The following PTPRD variants were observed in gnomAD, a reference collection of about 807,000 sequenced individuals.
PTPRD encodes protein tyrosine phosphatase receptor type D, also known as receptor-type tyrosine-protein phosphatase delta.
A neutral mutation model predicts 214.5 loss-of-function variants in PTPRD; 34 were observed. That is an observed-to-expected ratio of 0.16 (90% CI 0.12 to 0.21). PTPRD has a LOEUF of 0.21. Among genes scored for constraint, PTPRD ranks in the 10% least tolerant of loss-of-function variants. PTPRD has a pLI of 1.00. For missense variants in PTPRD, 2,545 were observed against 2,398.7 expected, an observed-to-expected ratio of 1.06 and a Z score of -1.27; for synonymous variants, 1,128 against 845.7, an observed-to-expected ratio of 1.33 and a Z score of -5.79.
intron 11 of PTPRD, among the ~76,000 whole-genome samples, chr9:8,931,998 C>T (rs1011795276): frequency 6.6e-6 from 1 of 152,160 alleles, no homozygotes; most frequent in Non-Finnish European, 1.5e-5. Flanking sequence ...TCTTTGGGAT[C>T]AGTGGTGATA....
intron 2 of PTPRD, among the ~76,000 whole-genome samples, chr9:10,540,129 A>C (rs1263625269): frequency 2.0e-5 from 3 of 152,072 alleles, no homozygotes; most frequent in African/African-American, 7.2e-5. Context: ...TCCCAGGTTC[A>C]ACCAATTCTC....
At chr9:10,279,050 A>G (rs2094928475) in intron 3 of PTPRD, among the ~76,000 whole-genome samples, 1 of 152,170 alleles carries the variant, frequency 6.6e-6, no homozygotes, top group African/African-American at 2.4e-5. Context: ...CTGGGCTCAC[A>G]GGCCTGAGCC....
chr9:8,782,894 C>T (rs543789701), intron 11 of PTPRD, among the ~76,000 whole-genome samples: 7 of 152,198 alleles, frequency 4.6e-5, no homozygotes, highest in Non-Finnish European at 7.4e-5. Flanking sequence ...CCACGCCTGG[C>T]CTACACTTCT....
intron 10 of PTPRD, among the ~76,000 whole-genome samples, chr9:9,063,602 C>G (rs2099712738): frequency 6.6e-6 from 1 of 152,154 alleles, no homozygotes; most frequent in Non-Finnish European, 1.5e-5. Flanking sequence ...CTGCTGAATT[C>G]TTAGCATCCA....
At chr9:9,717,068 T>C (rs2097848284) in intron 7 of PTPRD, among the ~76,000 whole-genome samples, 1 of 152,272 alleles carries the variant, frequency 6.6e-6, no homozygotes, top group Admixed American at 6.5e-5. Context: ...TTTCTCCATA[T>C]GGCTAGCCAG....
chr9:9,003,981 G>C (rs1343330248), intron 11 of PTPRD, among the ~76,000 whole-genome samples: 1 of 152,006 alleles, frequency 6.6e-6, no homozygotes, highest in Non-Finnish European at 1.5e-5. Flanking sequence ...CTCTGGACTA[G>C]GTCTCATCTC....
At chr9:9,201,561 A>C (rs1454126721) in intron 9 of PTPRD, among the ~76,000 whole-genome samples, 1 of 151,652 alleles carries the variant, frequency 6.6e-6, no homozygotes, top group Non-Finnish European at 1.5e-5. Context: ...TTGGTGATTA[A>C]AAAAAAACAT....
intron 5 of PTPRD, among the ~76,000 whole-genome samples, chr9:9,838,298 T>C (rs1424471863): frequency 6.6e-6 from 1 of 152,118 alleles, no homozygotes; most frequent in African/African-American, 2.4e-5. Context: ...ATGGGATGGC[T>C]GGGTCAAATG....
At chr9:9,944,633 C>T (rs2092273285) in intron 4 of PTPRD, among the ~76,000 whole-genome samples, 1 of 151,574 alleles carries the variant, frequency 6.6e-6, no homozygotes, top group Non-Finnish European at 1.5e-5. Context: ...CAAGAATAGG[C>T]CACATGAAGA....
At chr9:8,543,850 T>C (rs1193070147) in intron 14 of PTPRD, among the ~76,000 whole-genome samples, 3 of 151,776 alleles carry the variant, frequency 2.0e-5, no homozygotes, top group Non-Finnish European at 2.9e-5. Context: ...GTAGCTGGAC[T>C]ACAGCTGCGT....
intron 9 of PTPRD, among the ~76,000 whole-genome samples, chr9:9,309,596 G>T (rs1958259584): frequency 6.6e-6 from 1 of 152,066 alleles, no homozygotes; most frequent in Admixed American, 6.6e-5. Context: ...AACTCTCCTA[G>T]CACATCAAAG....
At chr9:9,449,977 A>T (rs2091654751) in intron 8 of PTPRD, among the ~76,000 whole-genome samples, 1 of 151,886 alleles carries the variant, frequency 6.6e-6, no homozygotes, top group Non-Finnish European at 1.5e-5. Context: ...AGTGAGAATG[A>T]ACGATATTTG....
At chr9:9,045,124 G>T (rs1240851548) in intron 10 of PTPRD, among the ~76,000 whole-genome samples, 1 of 152,072 alleles carries the variant, frequency 6.6e-6, no homozygotes, top group Non-Finnish European at 1.5e-5. Flanking sequence ...TTCAAATTAG[G>T]AGCATGAAAT....
intron 11 of PTPRD, among the ~76,000 whole-genome samples, chr9:8,967,319 A>T (rs2099203174): frequency 6.6e-6 from 1 of 152,020 alleles, no homozygotes; most frequent in Non-Finnish European, 1.5e-5. Context: ...ATGAAAACAA[A>T]TCATCCTACT....
intron 4 of PTPRD, among the ~76,000 whole-genome samples, chr9:10,030,585 G>T (rs1359574083): frequency 6.6e-6 from 1 of 152,104 alleles, no homozygotes; most frequent in Non-Finnish European, 1.5e-5. Context: ...CTCCTAGGAG[G>T]GATACCTGGG....
chr9:9,838,855 G>A (rs1488017969), intron 5 of PTPRD, among the ~76,000 whole-genome samples: 2 of 152,118 alleles, frequency 1.3e-5, no homozygotes, highest in African/African-American at 2.4e-5. Flanking sequence ...CCTATGTCCT[G>A]AATGGTAATG....
intron 32 of PTPRD, among the ~76,000 whole-genome samples, chr9:8,465,064 T>G (rs1249378405): frequency 2.6e-5 from 4 of 151,924 alleles, no homozygotes; most frequent in Non-Finnish European, 5.9e-5. Flanking sequence ...CCCATTGCAA[T>G]CACAGGGGCT....
intron 9 of PTPRD, among the ~76,000 whole-genome samples, chr9:9,194,092 A>G (rs577282346): frequency 1.3e-5 from 2 of 152,182 alleles, no homozygotes; most frequent in African/African-American, 4.8e-5. Context: ...ACTAAAACAC[A>G]AACACACATA....
chr9:8,573,663 TA>T (rs1218047762), intron 14 of PTPRD, among the ~76,000 whole-genome samples: 1 of 151,944 alleles, frequency 6.6e-6, no homozygotes, highest in Non-Finnish European at 1.5e-5. Context: ...TTCCTCTCCC[TA>T]TAACATAAAA....
Sources: gnomAD v4.1 joint callset for allele counts (sites outside exome capture counted in the v4.1 genomes callset) on GRCh38, gnomAD v4.1.1 for gene constraint, MANE v1.5 for transcripts, NCBI Gene and HGNC (gene_info 2026-07-23, HGNC 2026-07-21) for gene names.